The following TATDN1 variants were observed in gnomAD, a reference collection of about 807,000 sequenced individuals.
TATDN1 encodes the protein TatD DNase domain containing 1.
In TATDN1, 40 loss-of-function variants were observed where a neutral mutation model predicts 46.4. The ratio of observed to expected loss-of-function variants is 0.86; its 90% CI spans 0.67 to 1.12. The LOEUF is 1.12. TATDN1 is among the 50% of genes most tolerant of loss of function. The pLI is 0.00. For synonymous variants in TATDN1, 95 were observed against 105.6 expected (o/e 0.90, Z 0.62); for missense variants, 326 against 348.4 (o/e 0.94, Z 0.51).
At chr8:124,510,717 G>T (rs1322326757) in intron 6 of TATDN1, among the ~76,000 whole-genome samples, 1 of 152,094 alleles carries the variant, frequency 6.6e-6, no homozygotes, top group African/African-American at 2.4e-5. Context: ...TCAGTTCTTG[G>T]GAGGCTGAGG....
rs144854095 is a variant in TATDN1, at chr8:124,492,235, A to C, written c.791+1598T>G. Among the ~76,000 whole-genome samples the C allele has an allele frequency of 5.4e-3, 829 of 152,202 alleles. 8 individuals are homozygous for C. The highest frequency in any genetic ancestry group is 0.019 in the African/African-American group (803 of 41,544). ...GGTGATCCGCCTGCCTTGGCCTCCC[A>C]AAGTGCTGGGATTACAGATGTGAGC... On this transcript the variant is annotated intron_variant, in intron 11 of 11. Transcript: ENST00000276692.
intron 1 of TATDN1, among the ~76,000 whole-genome samples, chr8:124,535,696 GC>G (rs1283679702): frequency 6.6e-6 from 1 of 152,206 alleles, no homozygotes; most frequent in Non-Finnish European, 1.5e-5. Flanking sequence ...GTATTAATCT[GC>G]TTTTGCATTG....
intron 8 of TATDN1, among the ~76,000 whole-genome samples, chr8:124,507,837 G>C (rs1057397004): frequency 7.9e-5 from 12 of 151,696 alleles, no homozygotes; most frequent in African/African-American, 2.2e-4. Context: ...AATTTCACAG[G>C]GTTTTCTTGT....
At chr8:124,509,994 G>A (rs57929284) in intron 6 of TATDN1, among the ~76,000 whole-genome samples, 13,027 of 146,700 alleles carry the variant, frequency 0.089, 626 homozygotes, top group East Asian at 0.16. Context: ...TTGTACCACT[G>A]CACTCCAGCC....
chr8:124,497,412 A>T (rs1244392800), intron 9 of TATDN1, among the ~76,000 whole-genome samples: 33 of 151,954 alleles, frequency 2.2e-4, no homozygotes, highest in African/African-American at 7.7e-4. Context: ...CAGCCTCCCA[A>T]GTAGCTGGGA....
chr8:124,508,548 A>C, intron 7 of TATDN1, 34 bp from the exon 8 acceptor site: 1 of 1,609,834 alleles, frequency 6.2e-7, no homozygotes, highest in South Asian at 1.1e-5. Flanking sequence ...TTTAGCAAAT[A>C]GCTTGATTTC....
intron 4 of TATDN1, among the ~76,000 whole-genome samples, chr8:124,516,466 C>T (rs953079944): frequency 1.3e-5 from 2 of 150,408 alleles, no homozygotes; most frequent in African/African-American, 4.9e-5. Flanking sequence ...CCACACCTGG[C>T]TAATTTTTAA....
At chr8:124,507,877 T>C (rs1036870657) in intron 8 of TATDN1, among the ~76,000 whole-genome samples, 16 of 152,172 alleles carry the variant, frequency 1.1e-4, no homozygotes, top group East Asian at 1.9e-4. Flanking sequence ...TTCTTGTACT[T>C]TGAACAAAGG....
chr8:124,533,813 C>A (rs749741131), intron 1 of TATDN1, among the ~76,000 whole-genome samples: 1 of 151,898 alleles, frequency 6.6e-6, no homozygotes, highest in Non-Finnish European at 1.5e-5. Flanking sequence ...TTCACAGGCA[C>A]AACCAGCACA....
chr8:124,524,264 G>A (rs1820295291), intron 1 of TATDN1, among the ~76,000 whole-genome samples: 1 of 152,200 alleles, frequency 6.6e-6, no homozygotes, highest in African/African-American at 2.4e-5. Flanking sequence ...GTAAAATGCA[G>A]AAAACTACAA....
At chr8:124,514,774 A>T (rs1240880420) in intron 6 of TATDN1, among the ~76,000 whole-genome samples, 1 of 152,208 alleles carries the variant, frequency 6.6e-6, no homozygotes, top group Non-Finnish European at 1.5e-5. Flanking sequence ...AGCTCCAGGC[A>T]ATGGGTTACA....
chr8:124,514,464 G>T (rs1237823455), intron 6 of TATDN1, among the ~76,000 whole-genome samples: 1 of 152,106 alleles, frequency 6.6e-6, no homozygotes, highest in African/African-American at 2.4e-5. Context: ...AAGAAACTAA[G>T]GAGGACAGAG....
chr8:124,536,122 C>T (rs1821406851), intron 1 of TATDN1, among the ~76,000 whole-genome samples: 1 of 152,120 alleles, frequency 6.6e-6, no homozygotes, highest in South Asian at 2.1e-4. Context: ...ACTATGTAGT[C>T]TAAGATCAAT....
intron 6 of TATDN1, among the ~76,000 whole-genome samples, chr8:124,510,358 A>G (rs1314494335): frequency 2.0e-5 from 3 of 152,168 alleles, no homozygotes; most frequent in Non-Finnish European, 4.4e-5. Context: ...CTGACTACAC[A>G]CAGCAGGCGG....
At chr8:124,494,273 T>C in intron 10 of TATDN1, 1 of 174,466 alleles carries the variant, frequency 5.7e-6, no homozygotes, top group Non-Finnish European at 1.2e-5. Context: ...ACAGTTTTTT[T>C]TTCAGTTTTC....
intron 9 of TATDN1, among the ~76,000 whole-genome samples, chr8:124,497,032 C>G (rs1488244207): frequency 1.3e-5 from 2 of 152,168 alleles, no homozygotes; most frequent in Admixed American, 1.3e-4. Flanking sequence ...ATTCAAATTT[C>G]CAGTTGTCTC....
At chr8:124,504,520 C>G (rs1818233899) in intron 8 of TATDN1, 173 bp from the exon 9 acceptor site, 1 of 417,388 alleles carries the variant, frequency 2.4e-6, no homozygotes, top group Non-Finnish European at 4.3e-6. Flanking sequence ...TTCACAATTA[C>G]AACCTGTCAT....
At chr8:124,535,409 G>T (rs1273382425) in intron 1 of TATDN1, among the ~76,000 whole-genome samples, 3 of 152,194 alleles carry the variant, frequency 2.0e-5, no homozygotes, top group East Asian at 3.8e-4. Flanking sequence ...CTCTGCACTT[G>T]ATTCAAAAAT....
In TATDN1 at chr8:124,493,863, A is replaced by G; in HGVS notation, c.761T>C (p.Leu254Ser). Reference sequence around the variant, plus strand: ...ATGGCAGGGTTCATTTCTGTCTTTTAAGCAGTGCCCACTTTCCCACTTCTT... The same window carrying G: ...ATGGCAGGGTTCATTTCTGTCTTTTGAGCAGTGCCCACTTTCCCACTTCTT... ...TKKKWESGHC[L>S]KDRNEPCHII... The change falls in exon 11 of 12, where the codon TTA becomes TCA. Residue 254 changes from leucine (L) to serine (S), a missense_variant. Coordinates refer to ENST00000276692, the MANE Select transcript of TATDN1 (RefSeq NM_032026.4). 6.2e-7 allele frequency: 1 copy of G among 1,611,014 alleles called. No individual in the cohort carries two copies.
Sources: allele counts gnomAD v4.1 joint callset (sites outside exome capture counted in the v4.1 genomes callset), GRCh38; gene constraint gnomAD v4.1.1; transcripts MANE v1.5; gene names NCBI Gene and HGNC (gene_info 2026-07-23, HGNC 2026-07-21).